The following TAFA2 variants were observed in gnomAD, a reference collection of about 807,000 sequenced individuals.
The protein encoded by TAFA2 is chemokine-like protein TAFA-2.
In TAFA2, 7 loss-of-function variants were observed where a neutral mutation model predicts 18.8. That is an observed-to-expected ratio of 0.37 (90% confidence interval 0.21 to 0.70). The LOEUF (loss-of-function observed/expected upper bound fraction) is 0.70, where lower values mean the gene tolerates loss of function less well. Ranked by LOEUF, TAFA2 falls within the 30% of genes least tolerant of loss-of-function variation. The pLI, the probability that TAFA2 is intolerant of heterozygous loss-of-function variation, is 0.53. For synonymous variants in TAFA2, 60 were observed against 54.2 expected (o/e 1.11, Z -0.47); for missense variants, 122 against 158.1 (o/e 0.77, Z 1.23).
intron 2 of TAFA2, among the ~76,000 whole-genome samples, chr12:61,866,931 G>A (rs1277144254): frequency 6.7e-6 from 1 of 150,346 alleles, no homozygotes; most frequent in African/African-American, 2.4e-5. Flanking sequence ...AAAAGCCAGG[G>A]TAAATTTTAT....
intron 4 of TAFA2, chr12:61,720,630 A>C (rs1158580699): frequency 4.4e-6 from 1 of 228,612 alleles, no homozygotes; most frequent in East Asian, 1.2e-4. Flanking sequence ...TTAAATGCTA[A>C]TGGTAACCAC....
intron 1 of TAFA2, chr12:62,235,515 T>A (rs894153629): frequency 1.7e-5 from 9 of 531,624 alleles, no homozygotes; most frequent in Non-Finnish European, 2.8e-5. Flanking sequence ...CGGCTGTACA[T>A]GAAGACTAGG....
chr12:62,150,232 T>A (rs1039417238), intron 1 of TAFA2, among the ~76,000 whole-genome samples: 3 of 152,180 alleles, frequency 2.0e-5, no homozygotes, highest in African/African-American at 7.2e-5. Flanking sequence ...CTAAAAGAGA[T>A]CTTGGATGAG....
At chr12:61,959,490 T>C (rs1878809387) in intron 1 of TAFA2, among the ~76,000 whole-genome samples, 1 of 152,128 alleles carries the variant, frequency 6.6e-6, no homozygotes, top group African/African-American at 2.4e-5. Flanking sequence ...TTCCTTTTGT[T>C]ATGTAGTCCA....
chr12:61,824,950 G>A (rs2121065729), intron 2 of TAFA2, among the ~76,000 whole-genome samples: 1 of 152,286 alleles, frequency 6.6e-6, no homozygotes, highest in South Asian at 2.1e-4. Flanking sequence ...ATGCATCAAA[G>A]TGAAATTGCC....
At chr12:61,805,234 A>G (rs1467461374) in intron 2 of TAFA2, among the ~76,000 whole-genome samples, 1 of 152,040 alleles carries the variant, frequency 6.6e-6, no homozygotes, top group African/African-American at 2.4e-5. Flanking sequence ...AATACATGGC[A>G]CAATATTTAC....
intron 1 of TAFA2, among the ~76,000 whole-genome samples, chr12:62,247,529 A>G (rs1223601376): frequency 6.6e-6 from 1 of 152,234 alleles, no homozygotes; most frequent in African/African-American, 2.4e-5. Context: ...TGTCATGTTC[A>G]AAGTACAAAA....
At chr12:62,150,045 T>C (rs543923216) in intron 1 of TAFA2, among the ~76,000 whole-genome samples, 7 of 152,302 alleles carry the variant, frequency 4.6e-5, no homozygotes, top group African/African-American at 1.7e-4. Flanking sequence ...AAACTGAAAG[T>C]TAAATTTAGT....
At chr12:61,952,858 A>T (rs1878517445) in intron 1 of TAFA2, among the ~76,000 whole-genome samples, 1 of 152,106 alleles carries the variant, frequency 6.6e-6, no homozygotes, top group South Asian at 2.1e-4. Context: ...ATGGTCACAT[A>T]AAGAACCGAG....
At chr12:62,031,524 C>A (rs1172418061) in intron 1 of TAFA2, among the ~76,000 whole-genome samples, 1 of 152,138 alleles carries the variant, frequency 6.6e-6, no homozygotes, top group Non-Finnish European at 1.5e-5. Flanking sequence ...AACACACACA[C>A]ACACATCCTA....
intron 1 of TAFA2, among the ~76,000 whole-genome samples, chr12:62,079,793 A>G (rs1868292497): frequency 6.6e-6 from 1 of 152,190 alleles, no homozygotes; most frequent in African/African-American, 2.4e-5. Flanking sequence ...TATCAGGTGA[A>G]GCTTCTCACA....
At chr12:61,915,991 G>T (rs1184120516) in intron 1 of TAFA2, among the ~76,000 whole-genome samples, 1 of 152,160 alleles carries the variant, frequency 6.6e-6, no homozygotes, top group Non-Finnish European at 1.5e-5. Flanking sequence ...AATCAAGTCA[G>T]AGTTTCCATC....
At chr12:62,057,177 T>G (rs1882209944) in intron 1 of TAFA2, among the ~76,000 whole-genome samples, 3 of 152,210 alleles carry the variant, frequency 2.0e-5, no homozygotes, top group Admixed American at 2.0e-4. Flanking sequence ...GTTTCAAGTT[T>G]TCTATTTCTT....
chr12:62,223,162 G>A (rs1401019190), intron 1 of TAFA2, among the ~76,000 whole-genome samples: 1 of 152,064 alleles, frequency 6.6e-6, no homozygotes, highest in African/African-American at 2.4e-5. Flanking sequence ...AAAAAAGTAA[G>A]TAATATATGA....
At chr12:61,970,879 T>C (rs948168148) in intron 1 of TAFA2, among the ~76,000 whole-genome samples, 30 of 151,734 alleles carry the variant, frequency 2.0e-4, no homozygotes, top group African/African-American at 5.3e-4. Context: ...AAAGACTAAT[T>C]CTATACAGAA....
chr12:61,923,214 C>A (rs1212616762), intron 1 of TAFA2, among the ~76,000 whole-genome samples: 1 of 152,138 alleles, frequency 6.6e-6, no homozygotes, highest in Non-Finnish European at 1.5e-5. Flanking sequence ...AGCAGTAGAT[C>A]TCCCAGCACA....
At chr12:62,245,930 T>C (rs1321290877) in intron 1 of TAFA2, among the ~76,000 whole-genome samples, 1 of 150,878 alleles carries the variant, frequency 6.6e-6, no homozygotes, top group East Asian at 1.9e-4. Context: ...TATATATATA[T>C]AAGACCTTAA....
At chr12:62,161,691 T>C (rs1319603313) in intron 1 of TAFA2, among the ~76,000 whole-genome samples, 2 of 152,186 alleles carry the variant, frequency 1.3e-5, no homozygotes, top group Non-Finnish European at 2.9e-5. Flanking sequence ...TACCCATAAA[T>C]TTATACAAAT....
intron 1 of TAFA2, among the ~76,000 whole-genome samples, chr12:62,029,859 C>T (rs1049912861): frequency 1.3e-5 from 2 of 151,950 alleles, no homozygotes; most frequent in African/African-American, 2.4e-5. Flanking sequence ...CAGACACACA[C>T]ACACCCCATG....
Sources: gnomAD v4.1 joint callset for allele counts (sites outside exome capture counted in the v4.1 genomes callset) on GRCh38, gnomAD v4.1.1 for gene constraint, MANE v1.5 for transcripts, NCBI Gene and HGNC (gene_info 2026-07-23, HGNC 2026-07-21) for gene names.